The following LIN37 variants were observed in gnomAD, a reference collection of about 807,000 sequenced individuals.
LIN37 encodes lin-37 DREAM MuvB core complex component, also known as protein lin-37 homolog.
A neutral mutation model predicts 38.0 loss-of-function variants in LIN37; 21 were observed. That is an observed-to-expected ratio of 0.55 (90% CI 0.39 to 0.80). The LOEUF is 0.80. LIN37 is among the 30% of genes least tolerant of loss of function. The pLI, the probability that LIN37 is intolerant of heterozygous loss-of-function variation, is 0.00. For missense variants in LIN37, 273 were observed against 338.5 expected (o/e 0.81, Z 1.52); for synonymous variants, 126 against 122.9 (o/e 1.03, Z -0.17).
rs1185757303 is a variant in LIN37, at chr19:35,752,162, C to T, written c.35-14C>T. 6.3e-7 allele frequency: 1 copy of T among 1,585,492 alleles called. No individual in the cohort carries two copies. The highest frequency in any genetic ancestry group is 1.2e-5 in the South Asian group (1 of 86,738). On this transcript the variant is annotated splice_polypyrimidine_tract_variant and intron_variant, in intron 1 of 8. Coordinates refer to ENST00000301159, the MANE Select transcript of LIN37 (RefSeq NM_019104.3). ...CCTGGGAGCTGACTCCTGCTGGGTC[C>T]TCTCTTGCCCCAGAGCTGGAGATGG...
intron 1 of LIN37, among the ~76,000 whole-genome samples, chr19:35,751,641 C>G (rs998470918): frequency 2.0e-5 from 3 of 151,970 alleles, no homozygotes; most frequent in African/African-American, 7.3e-5. Flanking sequence ...CAAAACCGGA[C>G]AACATCGTGA....
chr19:35,753,908 G>A (rs564119509), intron 6 of LIN37, 109 bp from the exon 7 acceptor site: 97 of 1,292,206 alleles, frequency 7.5e-5, no homozygotes, highest in Non-Finnish European at 4.1e-5. Context: ...GTCCCTTAGC[G>A]AGCCCCTCAT....
chr19:35,752,126 C>T (rs565863907), intron 1 of LIN37, 50 bp from the exon 2 acceptor site: 3 of 1,447,658 alleles, frequency 2.1e-6, no homozygotes, highest in South Asian at 2.4e-5. Flanking sequence ...CAGCTGCCCA[C>T]CTAGCTGGGG....
In LIN37 at chr19:35,748,964, G is replaced by C; in HGVS notation, c.34+206G>C. The C allele has an allele frequency of 9.0e-6, 13 of 1,440,036 alleles. No individual in the cohort carries two copies. In the South Asian group the frequency reaches 1.8e-4, roughly 20 times the overall value. 89.2% of individuals were successfully genotyped at this position (1,440,036 alleles called of 1,614,324 possible). A position where few individuals can be genotyped will look rare whatever the true frequency, so the allele number is the denominator to read the frequency against. ...AAGTCGCTTTGAGATTGAATGGGGT[G>C]GCTCGGGCAATGACGTGCGTGGTAG... On this transcript the variant is annotated intron_variant, in intron 1 of 8. Coordinates refer to ENST00000301159, the MANE Select transcript of LIN37 (RefSeq NM_019104.3).
intron 6 of LIN37, 21 bp downstream of exon 6, chr19:35,753,274 C>A: frequency 6.5e-7 from 1 of 1,542,530 alleles, no homozygotes. Flanking sequence ...TAGTGGGTCC[C>A]AGCCCAGCAG....
In LIN37 at chr19:35,748,679, C is replaced by T; in HGVS notation, c.-46C>T. Reference sequence around the variant, plus strand: ...CCGCCTTGACTTGTGACCCTAGGCCCTTTGGGGCGCCTCTGACCCAGCTAG... The same window carrying T: ...CCGCCTTGACTTGTGACCCTAGGCCTTTTGGGGCGCCTCTGACCCAGCTAG... On this transcript the variant is annotated 5_prime_UTR_variant, in exon 1 of 9. Transcript: ENST00000301159. 2 of 1,613,614 alleles carry T rather than the reference C, an allele frequency of 1.2e-6. No homozygotes were observed. The highest frequency in any genetic ancestry group is 1.7e-6 in the Non-Finnish European group (2 of 1,179,574).
rs747842588 is a variant in LIN37 at position 35,752,221 on chromosome 19, A to G, written c.80A>G (p.Gln27Arg). Reference sequence around the variant, plus strand: ...CGGAACCAACTGGATGCTGTCTTGCAGTGTCTGCTGGAGAAGAGTCACATG... The same window carrying G: ...CGGAACCAACTGGATGCTGTCTTGCGGTGTCTGCTGGAGAAGAGTCACATG... ...KARNQLDAVLQCLLEKSHMDR... is the reference protein window; with the variant it reads ...KARNQLDAVLRCLLEKSHMDR... The change falls in exon 2 of 9, where the codon CAG becomes CGG. Residue 27 changes from glutamine to arginine, a missense_variant. By Grantham distance (43) the Gln-to-Arg change is conservative (BLOSUM62 1). Transcript: ENST00000301159. 3.7e-6 allele frequency: 6 copies of G among 1,607,388 alleles called. No individual in the cohort carries two copies. In the African/African-American group the frequency reaches 8.0e-5, roughly 22 times the overall value.
At position 35,754,296 on chromosome 19, in the gene LIN37, G is replaced by T; in HGVS notation, c.636G>T (p.Gln212His). The change falls in exon 8 of 9, where the codon CAG becomes CAT. Residue 212 changes from glutamine to histidine, a missense_variant. Gln to His is a conservative substitution (Grantham distance 24, BLOSUM62 0). Transcript: ENST00000301159. ...CCACACTCATCTATCGCAACATGCA[G>T]CGCTGGAAACGCATCCGCCAGAGGT... ...SPSTLIYRNM[Q>H]RWKRIRQRWK... 6.2e-7 allele frequency: 1 copy of T among 1,614,044 alleles called. No homozygotes were observed. The highest frequency in any genetic ancestry group is 1.1e-5 in the South Asian group (1 of 91,090).
Position 35,754,326 on chromosome 19 carries a change from G to T in LIN37, c.659+7G>T, listed in dbSNP as rs745626944. 6.2e-7 allele frequency: 1 copy of T among 1,613,998 alleles called. No homozygotes were observed. The highest frequency in any genetic ancestry group is 8.5e-7 in the Non-Finnish European group (1 of 1,179,894). The stretch of plus-strand genomic sequence containing the variant: ...GGAAACGCATCCGCCAGAGGTGAGC[G>T]TCCCCCAGCCTGCTTGCCCCTCGTA... On this transcript the variant is annotated splice_region_variant and intron_variant, in intron 8 of 8. Transcript: ENST00000301159.
intron 1 of LIN37, among the ~76,000 whole-genome samples, chr19:35,750,691 G>A (rs531936500): frequency 6.4e-5 from 4 of 62,402 alleles, no homozygotes; most frequent in African/African-American, 1.4e-4. Flanking sequence ...GGCTGGGTGC[G>A]GTGGCTTCTG....
intron 1 of LIN37, chr19:35,751,956 C>T (rs1970684863): frequency 8.4e-6 from 4 of 478,602 alleles, no homozygotes; most frequent in Middle Eastern, 5.7e-4. Context: ...GGTGATTGGC[C>T]TTACCTCCTG....
rs769861276 is a variant in LIN37, at chr19:35,753,234, C to A, written c.425C>A (p.Pro142Gln). Residue 142 changes from proline to glutamine, a missense_variant, in exon 6 of 9, where the codon CCG (proline) becomes CAG (glutamine). Physicochemically the swap from Pro to Gln is moderately conservative, Grantham distance 76 (BLOSUM62 -1). Transcript: ENST00000301159. ...RECSPSSPLP[P>Q]LPEDEEGSEV... ...TGCTCTCCCAGCTCACCCCTGCCCC[C>A]GCTGCCTGAGGATGAGGAGGTGGGA... The A allele has an allele frequency of 3.9e-6, 6 of 1,552,722 alleles. No homozygotes were observed. Among genetic ancestry groups the A allele is most frequent in the Non-Finnish European group, 4.4e-6 (5 of 1,149,132 alleles).
intron 6 of LIN37, 154 bp from the exon 7 acceptor site, chr19:35,753,863 G>T: frequency 1.3e-6 from 1 of 797,274 alleles, no homozygotes; most frequent in Non-Finnish European, 2.0e-6. Flanking sequence ...CTGGCTGGTT[G>T]AGGTGTCTGC....
Position 35,753,167 on chromosome 19 carries a change from C to T in LIN37, c.358C>T (p.Arg120Cys), listed in dbSNP as rs1277863212. 2 of 1,591,352 alleles carry T rather than the reference C, an allele frequency of 1.3e-6. No homozygotes were observed. Among genetic ancestry groups the T allele is most frequent in the Non-Finnish European group, 1.7e-6 (2 of 1,169,428 alleles). The part of the protein sequence containing the change: ...SENTPLYPIC[R>C]AWMRNSPSVR... ...GAACACGCCACTGTACCCAATCTGC[C>T]GCGCCTGGATGCGCAACAGCCCCTC... Residue 120 changes from arginine to cysteine, a missense_variant, in exon 6 of 9, where the codon CGC (arginine) becomes TGC (cysteine). Transcript: ENST00000301159.
Sources: allele counts gnomAD v4.1 joint callset (sites outside exome capture counted in the v4.1 genomes callset), GRCh38; gene constraint gnomAD v4.1.1; transcripts MANE v1.5; gene names NCBI Gene and HGNC (gene_info 2026-07-23, HGNC 2026-07-21).